Variants in BLTP1 observed in about 807,000 individuals in gnomAD.
BLTP1 encodes bridge-like lipid transfer protein family member 1.
At chr4:122,325,499 G>A in the BLTP1 span, 1 of 984,914 alleles carries the variant, frequency 1.0e-6, no homozygotes, top group Non-Finnish European at 1.2e-6. Flanking sequence ...CATTTTCTGA[G>A]AGCCATGAAG....
chr4:122,173,098 C>T, the BLTP1 span: 3 of 1,609,864 alleles, frequency 1.9e-6, no homozygotes. Flanking sequence ...GAATGTTGGT[C>T]TTATTTTAAC....
At chr4:122,193,656 GTTAAA>G in the BLTP1 span, 1 of 852,472 alleles carries the variant, frequency 1.2e-6, no homozygotes, top group Non-Finnish European at 1.4e-6. Context: ...CTTAAAATTA[GTTAAA>G]TTAGTTTAGT....
the BLTP1 span, among the ~76,000 whole-genome samples, chr4:122,323,522 G>A: frequency 6.6e-6 from 1 of 151,058 alleles, no homozygotes; most frequent in South Asian, 2.1e-4. Flanking sequence ...AGCTGCAGGT[G>A]TCAAAGGAAA....
the BLTP1 span, chr4:122,263,179 A>G: frequency 3.0e-6 from 3 of 984,684 alleles, no homozygotes; most frequent in African/African-American, 5.2e-5. Context: ...TTGCATTTTT[A>G]AATTGCAGCT....
the BLTP1 span, chr4:122,154,293 A>G: frequency 1.1e-5 from 11 of 975,808 alleles, no homozygotes; most frequent in Non-Finnish European, 1.3e-5. Context: ...CTCCTGCCTC[A>G]GCCTCCCAAG....
chr4:122,189,781 TTTA>T, the BLTP1 span: 2 of 902,510 alleles, frequency 2.2e-6, no homozygotes, highest in Non-Finnish European at 2.7e-6. Context: ...TTAGTATCAT[TTTA>T]TTATTAAGTC....
the BLTP1 span, chr4:122,269,192 A>G: frequency 2.2e-6 from 1 of 444,518 alleles, no homozygotes; most frequent in Non-Finnish European, 3.0e-6. Context: ...ATGTATACAT[A>G]CAGTCTATGT....
the BLTP1 span, chr4:122,276,107 G>A: frequency 4.4e-5 from 50 of 1,145,360 alleles, no homozygotes; most frequent in African/African-American, 7.7e-4. Flanking sequence ...TTTCATGGCT[G>A]TGAATTATTT....
chr4:122,184,507 C>T, the BLTP1 span: 9 of 156,512 alleles, frequency 5.8e-5, no homozygotes, highest in East Asian at 1.9e-4. Flanking sequence ...GGCATGATGG[C>T]GGGTGTCTGT....
chr4:122,196,528 A>C, the BLTP1 span: 2 of 861,564 alleles, frequency 2.3e-6, no homozygotes, highest in Non-Finnish European at 3.5e-6. Context: ...TAATTGTCAA[A>C]TGTGATAGCA....
chr4:122,153,065 C>A, the BLTP1 span: 1 of 981,434 alleles, frequency 1.0e-6, no homozygotes, highest in South Asian at 4.7e-5. Context: ...TGCTGCACTG[C>A]ACTCTAGAAG....
the BLTP1 span, chr4:122,239,896 G>A: frequency 1.2e-6 from 2 of 1,613,932 alleles, no homozygotes; most frequent in African/African-American, 1.3e-5. Context: ...GAGCCCATTA[G>A]CAGTGATGAA....
At chr4:122,230,886 G>T in the BLTP1 span, among the ~76,000 whole-genome samples, 1 of 151,888 alleles carries the variant, frequency 6.6e-6, no homozygotes, top group Non-Finnish European at 1.5e-5. Flanking sequence ...GGATTTTGCT[G>T]TATTTTTTTA....
At chr4:122,190,337 C>T in the BLTP1 span, 3 of 732,054 alleles carry the variant, frequency 4.1e-6, no homozygotes, top group Non-Finnish European at 5.0e-6. Context: ...CTTAAGTGAT[C>T]CTCCTGCCTC....
chr4:122,157,507 C>T, the BLTP1 span, among the ~76,000 whole-genome samples: 1 of 152,162 alleles, frequency 6.6e-6, no homozygotes, highest in Non-Finnish European at 1.5e-5. Flanking sequence ...ACCTAAATCC[C>T]TCGCAGGTGC....
chr4:122,246,103 T>C, the BLTP1 span: 8 of 1,510,430 alleles, frequency 5.3e-6, 1 homozygote, highest in Non-Finnish European at 7.1e-6. Context: ...GTGGATGATG[T>C]GGAAGTTATG....
chr4:122,302,386 A>T, the BLTP1 span: 2 of 226,394 alleles, frequency 8.8e-6, no homozygotes, highest in African/African-American at 4.7e-5. Context: ...TTCCAATAGC[A>T]TATATTCACT....
At chr4:122,291,921 C>A in the BLTP1 span, 1 of 530,562 alleles carries the variant, frequency 1.9e-6, no homozygotes, top group Non-Finnish European at 2.4e-6. Context: ...TTGTGATAGG[C>A]AAACAAAACA....
the BLTP1 span, among the ~76,000 whole-genome samples, chr4:122,181,008 CTATT>C: frequency 6.6e-6 from 1 of 152,270 alleles, no homozygotes; most frequent in South Asian, 2.1e-4. Context: ...GAAAGCATGA[CTATT>C]TATTCAGATC....
Sources: gnomAD v4.1 joint callset for allele counts (sites outside exome capture counted in the v4.1 genomes callset) on GRCh38, gnomAD v4.1.1 for gene constraint, MANE v1.5 for transcripts, NCBI Gene and HGNC (gene_info 2026-07-23, HGNC 2026-07-21) for gene names.